The following SKIC2 variants were observed in gnomAD, a reference collection of about 807,000 sequenced individuals.
The protein encoded by SKIC2 is superkiller complex protein 2.
the SKIC2 span, chr6:31,963,017 G>A: frequency 1.2e-6 from 2 of 1,612,656 alleles, no homozygotes; most frequent in Non-Finnish European, 1.7e-6. This position sits in a 1 kb window ranked among gnomAD's most constrained non-coding sequence, Gnocchi z 5.3. Flanking sequence ...TGCTTATCAT[G>A]CTACCTGACC....
chr6:31,968,623 C>G, the SKIC2 span: 1 of 1,551,690 alleles, frequency 6.4e-7, no homozygotes, highest in Non-Finnish European at 8.9e-7. This position sits in a 1 kb window ranked among gnomAD's most constrained non-coding sequence, Gnocchi z 6.1. Flanking sequence ...CCCATCTCAG[C>G]CCTTGTCCTC....
chr6:31,966,224 T>G, the SKIC2 span, among the ~76,000 whole-genome samples: 1 of 151,794 alleles, frequency 6.6e-6, no homozygotes, highest in Non-Finnish European at 1.5e-5. This position sits in a 1 kb window ranked among gnomAD's most constrained non-coding sequence, Gnocchi z 5.9. Flanking sequence ...GCCTCCCAAG[T>G]AGGTGGGATT....
the SKIC2 span, chr6:31,964,213 G>C: frequency 6.2e-7 from 1 of 1,611,430 alleles, no homozygotes; most frequent in East Asian, 2.2e-5. This position sits in a 1 kb window ranked among gnomAD's most constrained non-coding sequence, Gnocchi z 5.0. Context: ...CCCTGACCAT[G>C]GGCCTCCTCC....
At chr6:31,967,471 A>G in the SKIC2 span, 3 of 987,290 alleles carry the variant, frequency 3.0e-6, no homozygotes, top group Non-Finnish European at 4.8e-6. This position sits in a 1 kb window ranked among gnomAD's most constrained non-coding sequence, Gnocchi z 4.9. Flanking sequence ...GCGTCATCAT[A>G]GGGCCCTCAT....
the SKIC2 span, chr6:31,967,857 C>T: frequency 6.2e-7 from 1 of 1,612,862 alleles, no homozygotes; most frequent in Non-Finnish European, 8.5e-7. This position sits in a 1 kb window ranked among gnomAD's most constrained non-coding sequence, Gnocchi z 4.9. Context: ...CTGTTCCTGC[C>T]TGAAGGTGAG....
the SKIC2 span, chr6:31,962,426 G>T: frequency 1.2e-6 from 2 of 1,613,846 alleles, no homozygotes; most frequent in African/African-American, 2.7e-5. This position sits in a 1 kb window ranked among gnomAD's most constrained non-coding sequence, Gnocchi z 5.0. Context: ...CTAACTTCAT[G>T]CTCTCTTCCC....
At chr6:31,962,846 C>A in the SKIC2 span, 3 of 1,428,784 alleles carry the variant, frequency 2.1e-6, no homozygotes, top group Non-Finnish European at 3.0e-6. The surrounding 1 kb of genome is among the most constrained non-coding windows in gnomAD (Gnocchi z 5.0). Flanking sequence ...TCCTTTGGGA[C>A]CAGTTGAGCG....
chr6:31,959,609 G>A, the SKIC2 span: 1 of 562,382 alleles, frequency 1.8e-6, no homozygotes, highest in Non-Finnish European at 3.1e-6. Context: ...TTTGCTTTGA[G>A]AGCTGCTCTT....
the SKIC2 span, chr6:31,968,317 T>C: frequency 3.7e-6 from 6 of 1,607,424 alleles, no homozygotes; most frequent in African/African-American, 6.7e-5. The surrounding 1 kb of genome is among the most constrained non-coding windows in gnomAD (Gnocchi z 6.1). Flanking sequence ...TAAGATCTGC[T>C]CCCTCTTCAG....
chr6:31,963,718 G>A, the SKIC2 span: 1 of 1,546,332 alleles, frequency 6.5e-7, no homozygotes, highest in Non-Finnish European at 8.7e-7. The surrounding 1 kb of genome is among the most constrained non-coding windows in gnomAD (Gnocchi z 5.3). Context: ...CCACACATCA[G>A]GGGGGCCCTG....
At chr6:31,964,264 C>T in the SKIC2 span, 5 of 1,613,102 alleles carry the variant, frequency 3.1e-6, no homozygotes, top group Non-Finnish European at 4.2e-6. This position sits in a 1 kb window ranked among gnomAD's most constrained non-coding sequence, Gnocchi z 5.0. Flanking sequence ...TGAATCGCGG[C>T]CTGGGTGTGC....
chr6:31,969,207 C>G, the SKIC2 span: 1 of 1,580,774 alleles, frequency 6.3e-7, no homozygotes, highest in South Asian at 1.1e-5. The surrounding 1 kb of genome is among the most constrained non-coding windows in gnomAD (Gnocchi z 6.1). Context: ...TGGAAAATGG[C>G]TGCCTTCTTG....
the SKIC2 span, chr6:31,963,855 C>T: frequency 4.5e-5 from 68 of 1,502,656 alleles, no homozygotes; most frequent in Non-Finnish European, 6.1e-5. The surrounding 1 kb of genome is among the most constrained non-coding windows in gnomAD (Gnocchi z 5.3). Context: ...CACTAGCTCA[C>T]CTCTCATTGG....
chr6:31,962,063 TC>T, the SKIC2 span: 1 of 1,611,600 alleles, frequency 6.2e-7, no homozygotes, highest in Admixed American at 1.7e-5. This position sits in a 1 kb window ranked among gnomAD's most constrained non-coding sequence, Gnocchi z 5.0. Context: ...CGGTATGAGT[TC>T]CTTTGCCAAC....
the SKIC2 span, chr6:31,960,554 T>C: frequency 6.2e-7 from 1 of 1,600,834 alleles, no homozygotes; most frequent in African/African-American, 1.3e-5. Context: ...CAGGTGACTC[T>C]TGTGGAGATG....
the SKIC2 span, chr6:31,968,132 A>G: frequency 4.4e-6 from 7 of 1,608,452 alleles, no homozygotes; most frequent in Non-Finnish European, 4.2e-6. The surrounding 1 kb of genome is among the most constrained non-coding windows in gnomAD (Gnocchi z 6.1). Flanking sequence ...ACGTAGAGGC[A>G]GGGAGGGGCA....
the SKIC2 span, chr6:31,962,664 G>C: frequency 1.1e-5 from 17 of 1,604,590 alleles, no homozygotes; most frequent in South Asian, 1.7e-4. This position sits in a 1 kb window ranked among gnomAD's most constrained non-coding sequence, Gnocchi z 5.0. Flanking sequence ...GTCTGAGGAG[G>C]GGGTGGAGAC....
chr6:31,966,856 C>T, the SKIC2 span: 1 of 1,614,104 alleles, frequency 6.2e-7, no homozygotes, highest in Non-Finnish European at 8.5e-7. The surrounding 1 kb of genome is among the most constrained non-coding windows in gnomAD (Gnocchi z 5.9). Context: ...GGTAAGGAGC[C>T]TGGGGTAACC....
At chr6:31,960,245 T>C in the SKIC2 span, 13 of 1,613,014 alleles carry the variant, frequency 8.1e-6, no homozygotes, top group Non-Finnish European at 1.1e-5. Flanking sequence ...GACGGATCCC[T>C]GGTCTCTTTT....
Sources: gnomAD v4.1 joint callset for allele counts (sites outside exome capture counted in the v4.1 genomes callset) on GRCh38, gnomAD v4.1.1 for gene constraint, Gnocchi (gnomAD v3.1) non-coding constraint, MANE v1.5 for transcripts, NCBI Gene and HGNC (gene_info 2026-07-23, HGNC 2026-07-21) for gene names.